The following C2orf80 variants were observed in gnomAD, a reference collection of about 807,000 sequenced individuals.
C2orf80 encodes the protein uncharacterized protein C2orf80.
Under a neutral mutation model 30.2 loss-of-function variants are expected in C2orf80, and 28 were observed. The ratio of observed to expected loss-of-function variants is 0.93; its 90% confidence interval spans 0.69 to 1.27. The LOEUF (loss-of-function observed/expected upper bound fraction) is 1.27. C2orf80 is among the 50% of genes most tolerant of loss of function. The pLI is 0.00. For synonymous variants in C2orf80, 80 were observed against 76.4 expected, an observed-to-expected ratio of 1.05 and a Z score of -0.24; for missense variants, 220 against 231.0, an observed-to-expected ratio of 0.95 and a Z score of 0.31.
chr2:208,180,649 C>T (rs1368495124), intron 6 of C2orf80, 96 bp downstream of exon 6: 6 of 954,786 alleles, frequency 6.3e-6, no homozygotes, highest in Non-Finnish European at 9.5e-6. Context: ...ACTGTTATTT[C>T]ATAATTGATG....
At chr2:208,170,866 G>T in intron 8 of C2orf80, 79 bp downstream of exon 8, 1 of 1,167,608 alleles carries the variant, frequency 8.6e-7, no homozygotes, top group Non-Finnish European at 1.3e-6. Context: ...CCAAAGGCTA[G>T]ACTTTTAACC....
chr2:208,175,091 C>T (rs915882418), intron 6 of C2orf80, among the ~76,000 whole-genome samples: 1 of 152,026 alleles, frequency 6.6e-6, no homozygotes, highest in Non-Finnish European at 1.5e-5. Context: ...CAAAACCAGC[C>T]CTGCCAACGT....
At chr2:208,181,390 AATCTGCAATGGCTGTGTGCT>A (rs996703136) in intron 4 of C2orf80, 85 bp from the exon 5 acceptor site, 9 of 829,794 alleles carry the variant, frequency 1.1e-5, no homozygotes, top group Non-Finnish European at 1.7e-5. Context: ...ATCGATAAGT[AATCTGCAATGGCTGTGTGCT>A]ATCTGCTTAT....
intron 6 of C2orf80, among the ~76,000 whole-genome samples, chr2:208,176,974 T>TAC (rs1696360820): frequency 1.3e-5 from 1 of 76,364 alleles, no homozygotes; most frequent in Non-Finnish European, 3.0e-5. Flanking sequence ...TGTATACATA[T>TAC]ATACAGAAAT....
At chr2:208,178,398 G>C (rs1167641627) in intron 6 of C2orf80, among the ~76,000 whole-genome samples, 3 of 152,128 alleles carry the variant, frequency 2.0e-5, no homozygotes, top group Non-Finnish European at 4.4e-5. Flanking sequence ...TATATGTGCT[G>C]AGGGGTAGGG....
intron 8 of C2orf80, among the ~76,000 whole-genome samples, chr2:208,170,683 C>T (rs968728224): frequency 1.3e-5 from 2 of 152,144 alleles, no homozygotes; most frequent in African/African-American, 4.8e-5. Context: ...ACTGTTCTAA[C>T]CTTTTAACAT....
At chr2:208,186,114 T>TCACATATATGTGCATA (rs199857617) in intron 2 of C2orf80, among the ~76,000 whole-genome samples, 5,251 of 152,182 alleles carry the variant, frequency 0.035, 160 homozygotes, top group South Asian at 0.12. Context: ...GAATATGAAT[T>TCACATATATGTGCATA]CACATATATG....
chr2:208,170,880 G>C, intron 8 of C2orf80, 65 bp downstream of exon 8: 1 of 1,289,984 alleles, frequency 7.8e-7, no homozygotes, highest in South Asian at 1.2e-5. Context: ...TTTAACCACG[G>C]TATCAGGAAA....
In C2orf80 at chr2:208,186,990, A is replaced by G. The variant is rs1223975787; in HGVS notation, c.-4T>C. 2 of 1,613,894 alleles carry G rather than the reference A, an allele frequency of 1.2e-6. No individual in the cohort carries two copies. The highest frequency in any genetic ancestry group is 1.7e-6 in the Non-Finnish European group (2 of 1,179,870). Reference sequence around the variant, plus strand: ...TCTTTATGAGCCTTCTTTCCATGTTAAAGGCTTAGCCAGCTGAGCAGGTAT... The same window carrying G: ...TCTTTATGAGCCTTCTTTCCATGTTGAAGGCTTAGCCAGCTGAGCAGGTAT... On this transcript the variant is annotated 5_prime_UTR_variant, in exon 2 of 9. It removes the in-frame stop codon of an upstream open reading frame in the 5' UTR. Transcript: ENST00000341287.
intron 1 of C2orf80, among the ~76,000 whole-genome samples, chr2:208,187,891 A>G (rs75787837): frequency 0.027 from 4,116 of 152,082 alleles, 184 homozygotes; most frequent in African/African-American, 0.093. Flanking sequence ...TTGATAGAAC[A>G]AAAGACTGAC....
In C2orf80 at chr2:208,187,063, T is replaced by A. The variant is rs1696739441; in HGVS notation, c.-75-2A>T. On this transcript the variant is annotated splice_acceptor_variant, in intron 1 of 8. Coordinates refer to ENST00000341287, the MANE Select transcript of C2orf80 (RefSeq NM_001099334.3). LOFTEE classifies it low-confidence loss of function (5UTR_SPLICE). The stretch of plus-strand genomic sequence containing the variant: ...ACCCAGCTTCTCTGAGTCTAGAGGC[T>A]ACAGCAGCAAATCAGAGAGAATATG... 1 of 1,352,096 alleles carries A rather than the reference T, an allele frequency of 7.4e-7. No homozygotes were observed. Among genetic ancestry groups the A allele is most frequent in the Admixed American group, 1.7e-5 (1 of 58,646 alleles). 83.8% of individuals were successfully genotyped at this position (1,352,096 alleles called of 1,614,324 possible).
chr2:208,186,810 C>A, intron 2 of C2orf80, 136 bp downstream of exon 2: 1 of 782,512 alleles, frequency 1.3e-6, no homozygotes, highest in East Asian at 2.6e-5. Flanking sequence ...GAGGCCAGAT[C>A]ATCCTCTGGT....
rs183066668 is a variant in C2orf80 at position 208,183,497 on chromosome 2, C to T, written c.124-450G>A. On this transcript the variant is annotated intron_variant, in intron 3 of 8. Transcript: ENST00000341287. ...AGGTAAGGGTGGGGGAACAGGGCTGCAGGGAACAATTTCTGATTCTGTGAG... is the reference window on the plus strand; with the variant it reads ...AGGTAAGGGTGGGGGAACAGGGCTGTAGGGAACAATTTCTGATTCTGTGAG... Among the ~76,000 whole-genome samples the T allele has an allele frequency of 1.2e-3, 188 of 152,150 alleles. 1 individual carries two copies. Among genetic ancestry groups the T allele is most frequent in the African/African-American group, 4.3e-3 (177 of 41,494 alleles).
chr2:208,168,745 C>T (rs1414043237), intron 8 of C2orf80, among the ~76,000 whole-genome samples: 1 of 88,574 alleles, frequency 1.1e-5, no homozygotes, highest in Non-Finnish European at 2.1e-5. Flanking sequence ...AACGAGTTTT[C>T]TGTCGCTTGA....
At chr2:208,175,960 G>A (rs1363982362) in intron 6 of C2orf80, among the ~76,000 whole-genome samples, 7 of 152,162 alleles carry the variant, frequency 4.6e-5, no homozygotes, top group East Asian at 1.9e-4. Flanking sequence ...CGGGGAGCTT[G>A]TGAGGCTCAC....
chr2:208,172,106 C>G (rs1465709360), intron 6 of C2orf80, 31 bp from the exon 7 acceptor site: 1 of 1,544,336 alleles, frequency 6.5e-7, no homozygotes. Context: ...CTTTTAAAAT[C>G]TGTCCATCAT....
chr2:208,177,835 AT>A (rs1464894973), intron 6 of C2orf80, among the ~76,000 whole-genome samples: 91 of 142,054 alleles, frequency 6.4e-4, no homozygotes, highest in African/African-American at 2.4e-3. Flanking sequence ...TTTATTTTTT[AT>A]TTTTTTTGAG....
intron 8 of C2orf80, chr2:208,168,500 A>G (rs1167618678): frequency 5.8e-6 from 1 of 172,316 alleles, no homozygotes; most frequent in East Asian, 1.9e-4. Context: ...TCTCTACTAA[A>G]AATACAAAAA....
At chr2:208,172,096 C>A (rs1696120767) in intron 6 of C2orf80, 21 bp from the exon 7 acceptor site, 1 of 1,569,916 alleles carries the variant, frequency 6.4e-7, no homozygotes, top group Non-Finnish European at 8.8e-7. Flanking sequence ...AACAGTCCTA[C>A]TTTTAAAATC....
Sources: allele counts gnomAD v4.1 joint callset (sites outside exome capture counted in the v4.1 genomes callset), GRCh38; gene constraint gnomAD v4.1.1; transcripts MANE v1.5; gene names NCBI Gene and HGNC (gene_info 2026-07-23, HGNC 2026-07-21).